The following NPAS3 variants were observed in gnomAD, a reference collection of about 807,000 sequenced individuals.
The protein encoded by NPAS3 is neuronal PAS domain-containing protein 3.
A neutral mutation model predicts 73.1 loss-of-function variants in NPAS3; 14 were observed. That is an observed-to-expected ratio of 0.19 (90% CI 0.13 to 0.30). NPAS3 has a LOEUF of 0.30. Ranked by LOEUF, NPAS3 falls within the 10% of genes least tolerant of loss-of-function variation. The pLI is 1.00. For missense variants in NPAS3, 1,096 were observed against 1,250.0 expected, an observed-to-expected ratio of 0.88 and a Z score of 1.86; for synonymous variants, 620 against 541.5, an observed-to-expected ratio of 1.14 and a Z score of -2.01.
Position 33,206,632 on chromosome 14 carries a change from T to C in NPAS3, c.141-8550T>C, listed in dbSNP as rs541373211. On this transcript the variant is annotated intron_variant, in intron 2 of 11. Coordinates refer to ENST00000356141, the Ensembl canonical transcript of NPAS3. ...ATATTGGCAACCATGAATTAGATGA[T>C]GTTGAAAACACTTGGACCTTGACTG... Among the ~76,000 whole-genome samples, 9 of 152,286 alleles carry C rather than the reference T, an allele frequency of 5.9e-5. 1 individual carries two copies. Among genetic ancestry groups the C allele is most frequent in the African/African-American group, 2.2e-4 (9 of 41,570 alleles).
intron 2 of NPAS3, among the ~76,000 whole-genome samples, chr14:33,158,745 G>A (rs750150470): frequency 1.3e-5 from 2 of 152,148 alleles, no homozygotes; most frequent in Admixed American, 1.3e-4. Flanking sequence ...GCTTTAAAGA[G>A]GGGCCCTGTT....
intron 6 of NPAS3, chr14:33,680,527 G>T (rs1202121568): frequency 2.9e-6 from 2 of 694,114 alleles, no homozygotes; most frequent in Non-Finnish European, 5.2e-6. Context: ...AAATAAGATT[G>T]TAATGCATAT....
chr14:33,073,243 CAAA>C (rs1485842569), intron 2 of NPAS3, among the ~76,000 whole-genome samples: 3 of 152,194 alleles, frequency 2.0e-5, no homozygotes, highest in Admixed American at 6.5e-5. Flanking sequence ...TCCTCAGTCT[CAAA>C]GAAGTTGCAT....
intron 4 of NPAS3, among the ~76,000 whole-genome samples, chr14:33,555,027 A>T (rs1473431894): frequency 6.6e-6 from 1 of 152,110 alleles, no homozygotes; most frequent in African/African-American, 2.4e-5. Flanking sequence ...TTATTCAGAG[A>T]TGCTGTAACT....
chr14:33,591,718 A>T (rs1358880167), intron 5 of NPAS3, among the ~76,000 whole-genome samples: 1 of 152,122 alleles, frequency 6.6e-6, no homozygotes. Flanking sequence ...TTGTGTCATC[A>T]CTGCAGTTTA....
intron 5 of NPAS3, among the ~76,000 whole-genome samples, chr14:33,613,281 T>A (rs192697153): frequency 6.6e-6 from 1 of 152,238 alleles, no homozygotes; most frequent in East Asian, 1.9e-4. Context: ...TGGAACTGAC[T>A]CCAGAGGAAA....
chr14:33,506,511 T>C (rs2052769534), intron 4 of NPAS3, among the ~76,000 whole-genome samples: 1 of 152,054 alleles, frequency 6.6e-6, no homozygotes, highest in Admixed American at 6.6e-5. Flanking sequence ...TGTCAAATGC[T>C]CTCCACTAAA....
chr14:33,647,099 C>T (rs578224319), intron 5 of NPAS3, among the ~76,000 whole-genome samples: 34 of 152,272 alleles, frequency 2.2e-4, no homozygotes, highest in African/African-American at 7.2e-4. Context: ...CTCATGGAAG[C>T]AATGTTTATG....
At chr14:33,313,366 G>A (rs2043082113) in intron 3 of NPAS3, among the ~76,000 whole-genome samples, 1 of 151,992 alleles carries the variant, frequency 6.6e-6, no homozygotes, top group Non-Finnish European at 1.5e-5. Flanking sequence ...TTGAATCACA[G>A]TGCCATCTAA....
At chr14:33,069,678 T>C (rs1037429891) in intron 2 of NPAS3, among the ~76,000 whole-genome samples, 1 of 152,202 alleles carries the variant, frequency 6.6e-6, no homozygotes, top group African/African-American at 2.4e-5. Flanking sequence ...AATGAACTAA[T>C]ACATGTAAAA....
chr14:33,115,837 A>C (rs968212357), intron 2 of NPAS3, among the ~76,000 whole-genome samples: 1 of 152,108 alleles, frequency 6.6e-6, no homozygotes, highest in Non-Finnish European at 1.5e-5. Flanking sequence ...CTATCTGATG[A>C]TTTGGCCCAC....
chr14:33,257,043 T>A (rs919440895), intron 3 of NPAS3, among the ~76,000 whole-genome samples: 3 of 152,148 alleles, frequency 2.0e-5, no homozygotes, highest in Non-Finnish European at 4.4e-5. Flanking sequence ...CACTTAGAGT[T>A]CCTTTCATAT....
rs573865289 is a variant in NPAS3 at position 33,398,656 on chromosome 14, T to A, written c.468+31388T>A. Among the ~76,000 whole-genome samples the A allele has an allele frequency of 1.1e-4, 17 of 152,238 alleles. No homozygotes were observed. The South Asian group carries it at 3.3e-3, about 30-fold the overall frequency. On this transcript the variant is annotated intron_variant, in intron 4 of 11. Transcript: ENST00000356141. ...AAATAAGTACAGATTTTTAAAGATA[T>A]GTGACATAAGTCTAAAAGAGTAAAT...
chr14:33,017,441 A>G (rs1209176388), intron 1 of NPAS3, among the ~76,000 whole-genome samples: 1 of 152,170 alleles, frequency 6.6e-6, no homozygotes, highest in Non-Finnish European at 1.5e-5. Context: ...TTTTGTGGAT[A>G]CATGTATTGT....
chr14:33,648,281 A>G (rs2058892048), intron 5 of NPAS3, among the ~76,000 whole-genome samples: 1 of 152,192 alleles, frequency 6.6e-6, no homozygotes, highest in Admixed American at 6.5e-5. Context: ...AAATCATTCC[A>G]TTTCAAATTG....
intron 5 of NPAS3, among the ~76,000 whole-genome samples, chr14:33,641,839 T>C (rs370272673): frequency 6.6e-5 from 10 of 152,316 alleles, no homozygotes; most frequent in African/African-American, 2.4e-4. Context: ...ATCGTGTCTT[T>C]ATTTTTCAAA....
intron 1 of NPAS3, among the ~76,000 whole-genome samples, chr14:33,005,524 T>C (rs140599112): frequency 3.4e-4 from 51 of 152,204 alleles, no homozygotes; most frequent in African/African-American, 1.2e-3. Context: ...CCCCAGCCCC[T>C]GAGATAGCTG....
In NPAS3 at chr14:33,078,549, A is replaced by G. The variant is rs917590954; in HGVS notation, c.140+22555A>G. On this transcript the variant is annotated intron_variant, in intron 2 of 11. Transcript: ENST00000356141. ...AACAAAACCAAAAAAAAAAAAACAA[A>G]CAAAAAAACCCACATGTGAACCACA... Among the ~76,000 whole-genome samples, 237 of 151,354 alleles carry G rather than the reference A, an allele frequency of 1.6e-3. 1 individual carries two copies. The highest frequency in any genetic ancestry group is 5.6e-3 in the African/African-American group (230 of 41,144).
chr14:33,135,949 T>C (rs577674818), intron 2 of NPAS3, among the ~76,000 whole-genome samples: 75 of 152,232 alleles, frequency 4.9e-4, no homozygotes, highest in Non-Finnish European at 7.1e-4. Flanking sequence ...GGTTTTCCAC[T>C]GGACACAATA....
Sources: allele counts gnomAD v4.1 joint callset (sites outside exome capture counted in the v4.1 genomes callset), GRCh38; gene constraint gnomAD v4.1.1; transcripts MANE v1.5; gene names NCBI Gene and HGNC (gene_info 2026-07-23, HGNC 2026-07-21).